The following TFAP2D variants were observed in gnomAD, a reference collection of about 807,000 sequenced individuals.
The protein encoded by TFAP2D is transcription factor AP-2 delta.
In TFAP2D, 9 loss-of-function variants were observed where a neutral mutation model predicts 43.6. The ratio of observed to expected loss-of-function variants is 0.21; its 90% CI spans 0.12 to 0.36. TFAP2D has a LOEUF of 0.36. Ranked by LOEUF, TFAP2D falls within the 10% of genes least tolerant of loss-of-function variation. The pLI is 1.00. For missense variants in TFAP2D, 513 were observed against 561.4 expected (o/e 0.91, Z 0.87); for synonymous variants, 256 against 224.9 (o/e 1.14, Z -1.24).
rs1174859135 is a variant in TFAP2D, at chr6:50,772,907, TA to T, written c.*44del. ...TATTTCCAGAGAGTCTTGCTGCTGA[TA>T]TTTTTTCTAATATATATATCATTGA... On this transcript the variant is annotated 3_prime_UTR_variant, in exon 8 of 8. Transcript: ENST00000008391. 6.5e-7 allele frequency: 1 copy of T among 1,533,926 alleles called. No homozygotes were observed. Among genetic ancestry groups the T allele is most frequent in the African/African-American group, 1.4e-5 (1 of 72,412 alleles).
At chr6:50,740,184 AAT>A in intron 5 of TFAP2D, among the ~76,000 whole-genome samples, 1 of 152,346 alleles carries the variant, frequency 6.6e-6, no homozygotes, top group African/African-American at 2.4e-5. Flanking sequence ...TCAAATCATA[AAT>A]ATATGACTGG....
chr6:50,756,167 T>C (rs1769262419), intron 7 of TFAP2D, among the ~76,000 whole-genome samples: 2 of 152,072 alleles, frequency 1.3e-5, no homozygotes, highest in African/African-American at 2.4e-5. Context: ...CCAGGCCGAG[T>C]GTGTCCCTTT....
chr6:50,718,833 C>A (rs542045048), intron 2 of TFAP2D, among the ~76,000 whole-genome samples: 1 of 152,248 alleles, frequency 6.6e-6, no homozygotes, highest in African/African-American at 2.4e-5. Flanking sequence ...ATGAAAGACT[C>A]CCAGGCACTT....
rs534236928 is a variant in TFAP2D at position 50,713,578 on chromosome 6, T to C, written c.-478T>C. Reference sequence around the variant, plus strand: ...TGTGTGCAAATACTCTCCACAGAGATAAGTCCCCACCTCAGTCGGTATAGA... The same window carrying C: ...TGTGTGCAAATACTCTCCACAGAGACAAGTCCCCACCTCAGTCGGTATAGA... On this transcript the variant is annotated 5_prime_UTR_variant, in exon 1 of 8. Coordinates refer to ENST00000008391, the MANE Select transcript of TFAP2D (RefSeq NM_172238.4). Among the ~76,000 whole-genome samples the C allele has an allele frequency of 3.3e-5, 5 of 152,184 alleles. No homozygotes were observed. Among genetic ancestry groups the C allele is most frequent in the Non-Finnish European group, 7.3e-5 (5 of 68,030 alleles).
chr6:50,757,833 A>C (rs1292674565), intron 7 of TFAP2D, among the ~76,000 whole-genome samples: 3 of 132,326 alleles, frequency 2.3e-5, no homozygotes, highest in Non-Finnish European at 4.7e-5. Flanking sequence ...ATATAATTAT[A>C]TATATAAATA....
At chr6:50,739,196 T>C (rs1043602183) in intron 5 of TFAP2D, among the ~76,000 whole-genome samples, 1 of 152,034 alleles carries the variant, frequency 6.6e-6, no homozygotes, top group East Asian at 1.9e-4. Flanking sequence ...ACATTAGGTA[T>C]ATCTCCTAAT....
At chr6:50,748,551 TTAAG>T (rs1769156940) in intron 6 of TFAP2D, among the ~76,000 whole-genome samples, 1 of 151,908 alleles carries the variant, frequency 6.6e-6, no homozygotes, top group African/African-American at 2.4e-5. Flanking sequence ...GGCCTATTAA[TTAAG>T]TGTCATTAGT....
intron 5 of TFAP2D, among the ~76,000 whole-genome samples, chr6:50,732,793 G>A (rs907369505): frequency 3.9e-5 from 6 of 152,104 alleles, no homozygotes; most frequent in African/African-American, 1.4e-4. Context: ...ACTTGTTACT[G>A]ACATAACAGG....
chr6:50,722,122 G>C (rs1768735954), intron 3 of TFAP2D, among the ~76,000 whole-genome samples: 1 of 152,146 alleles, frequency 6.6e-6, no homozygotes, highest in Non-Finnish European at 1.5e-5. Context: ...CGTGAAAGAG[G>C]GGGCAGCAGC....
At chr6:50,714,997 CGCGCT>C (rs1174503623) in intron 1 of TFAP2D, 114 bp from the exon 2 acceptor site, 3 of 1,369,800 alleles carry the variant, frequency 2.2e-6, no homozygotes, top group African/African-American at 2.9e-5. Context: ...CCGAGTCCTA[CGCGCT>C]CGCTTTCCTT....
chr6:50,742,592 AG>A (rs1489584126), intron 5 of TFAP2D, among the ~76,000 whole-genome samples: 2 of 150,722 alleles, frequency 1.3e-5, no homozygotes, highest in Non-Finnish European at 3.0e-5. Flanking sequence ...ATAGATAGAT[AG>A]ATAGATAGAT....
chr6:50,724,785 C>T (rs1275238794), intron 3 of TFAP2D, among the ~76,000 whole-genome samples: 4 of 151,724 alleles, frequency 2.6e-5, no homozygotes, highest in Admixed American at 2.0e-4. Flanking sequence ...TGTGTGTCGG[C>T]GGGGGGACCT....
intron 7 of TFAP2D, among the ~76,000 whole-genome samples, chr6:50,753,090 T>C (rs1426095905): frequency 6.6e-6 from 1 of 151,938 alleles, no homozygotes; most frequent in Non-Finnish European, 1.5e-5. Context: ...TTTTTGTTTG[T>C]GCGCATAATA....
chr6:50,772,355 C>CA (rs1362350914), intron 7 of TFAP2D, among the ~76,000 whole-genome samples: 1 of 152,028 alleles, frequency 6.6e-6, no homozygotes, highest in East Asian at 1.9e-4. Context: ...CAAACCTGCA[C>CA]GTTGTGCACA....
rs1554151939 is a variant in TFAP2D, at chr6:50,719,478, A to AAAGAAAGAAAGAAAGAAAGAAAGG, written c.598+351_598+352insGAAGAAAGAAAGAAAGAAAGAAAG. 2.9e-3 allele frequency among the ~76,000 whole-genome samples: 403 copies of AAAGAAAGAAAGAAAGAAAGAAAGG among 137,526 alleles called. 2 individuals carry two copies. The highest frequency in any genetic ancestry group is 9.2e-3 in the African/African-American group (370 of 40,062). 90.2% of individuals were successfully genotyped at this position (137,526 alleles called of 152,430 possible). Reference sequence around the variant, plus strand: ...GAAAGAAAGAAAGAAAGAAAGAAAGAAAGAAAGAAAGAAAGAAAGAAAGAA... The same window carrying AAAGAAAGAAAGAAAGAAAGAAAGG: ...GAAAGAAAGAAAGAAAGAAAGAAAGAAAGAAAGAAAGAAAGAAAGAAAGGAAGAAAGAAAGAAAGAAAGAAAGAA... On this transcript the variant is annotated intron_variant, in intron 3 of 7. Transcript: ENST00000008391.
At chr6:50,718,631 C>G (rs1768664919) in intron 2 of TFAP2D, among the ~76,000 whole-genome samples, 1 of 152,064 alleles carries the variant, frequency 6.6e-6, no homozygotes, top group African/African-American at 2.4e-5. Context: ...TGGGGTAAAA[C>G]AGAACCTCCA....
In TFAP2D at chr6:50,714,038, C is replaced by A. The variant is rs1768571996; in HGVS notation, c.-18C>A. 1 of 1,610,826 alleles carries A rather than the reference C, an allele frequency of 6.2e-7. No homozygotes were observed. The highest frequency in any genetic ancestry group is 1.1e-5 in the South Asian group (1 of 90,776). On this transcript the variant is annotated 5_prime_UTR_variant, in exon 1 of 8. Coordinates refer to ENST00000008391, the MANE Select transcript of TFAP2D (RefSeq NM_172238.4). ...TTGGAGGGGGAAATTGCATCGTAAG[C>A]TTTCGGAGAAACCCAACATGTCAAC...
At chr6:50,724,263 T>G (rs1385116741) in intron 3 of TFAP2D, among the ~76,000 whole-genome samples, 2 of 151,868 alleles carry the variant, frequency 1.3e-5, no homozygotes, top group Admixed American at 1.3e-4. Context: ...TTGTAATCGC[T>G]TACACATTTT....
At chr6:50,749,008 A>G (rs909455813) in intron 6 of TFAP2D, among the ~76,000 whole-genome samples, 4 of 151,840 alleles carry the variant, frequency 2.6e-5, no homozygotes, top group Admixed American at 6.6e-5. Flanking sequence ...ATTTATAAAT[A>G]AAAAATTAAA....
Sources: allele counts gnomAD v4.1 joint callset (sites outside exome capture counted in the v4.1 genomes callset), GRCh38; gene constraint gnomAD v4.1.1; transcripts MANE v1.5; gene names NCBI Gene and HGNC (gene_info 2026-07-23, HGNC 2026-07-21).